Variants in WWC2 observed in about 807,000 individuals in gnomAD.
The protein encoded by WWC2 is WW and C2 domain containing 2.
A neutral mutation model predicts 138.5 loss-of-function variants in WWC2; 101 were observed. The ratio of observed to expected loss-of-function variants is 0.73; its 90% confidence interval spans 0.62 to 0.86. The LOEUF (loss-of-function observed/expected upper bound fraction) is 0.86. Among genes scored for constraint, WWC2 ranks in the 40% least tolerant of loss-of-function variants. WWC2 has a pLI of 0.00. For missense variants in WWC2, 1,420 were observed against 1,419.4 expected (o/e 1.00, Z -0.01); for synonymous variants, 558 against 538.4 (o/e 1.04, Z -0.50).
chr4:183,278,300 T>G (rs1439003590), intron 16 of WWC2, among the ~76,000 whole-genome samples: 1 of 152,172 alleles, frequency 6.6e-6, no homozygotes, highest in African/African-American at 2.4e-5. Context: ...ATATGTGGTG[T>G]TATTTCTGAG....
intron 16 of WWC2, among the ~76,000 whole-genome samples, chr4:183,277,211 A>G (rs1284316059): frequency 6.9e-6 from 1 of 145,488 alleles, no homozygotes; most frequent in Admixed American, 7.4e-5. Context: ...ATTCCCACCT[A>G]TGAGTGAGAA....
intron 21 of WWC2, among the ~76,000 whole-genome samples, chr4:183,295,017 A>G (rs552374068): frequency 6.6e-6 from 1 of 152,268 alleles, no homozygotes; most frequent in Non-Finnish European, 1.5e-5. Context: ...TGAGGCACAC[A>G]TGTTCATTTT....
chr4:183,252,832 G>GC, intron 8 of WWC2, among the ~76,000 whole-genome samples: 1 of 152,274 alleles, frequency 6.6e-6, no homozygotes, highest in East Asian at 1.9e-4. Flanking sequence ...AGAAGGCCAA[G>GC]CCCTGCCCCT....
At chr4:183,254,040 G>C (rs1485870869) in intron 9 of WWC2, 41 bp downstream of exon 9, 1 of 1,598,002 alleles carries the variant, frequency 6.3e-7, no homozygotes, top group African/African-American at 1.4e-5. Flanking sequence ...TAACTCTTGT[G>C]GGGGTGTCTT....
intron 1 of WWC2, among the ~76,000 whole-genome samples, chr4:183,143,832 TACAC>T (rs200329746): frequency 1.2e-4 from 18 of 151,228 alleles, no homozygotes; most frequent in Non-Finnish European, 1.9e-4. Flanking sequence ...AAAAAAAAAA[TACAC>T]ACAAACATTT....
rs185132874 is a variant in WWC2, at chr4:183,103,503, T to A, written c.131+3881T>A. On this transcript the variant is annotated intron_variant, in intron 1 of 22. Coordinates refer to ENST00000403733, the MANE Select transcript of WWC2 (RefSeq NM_024949.6). Reference sequence around the variant, plus strand: ...CACCACGCCCGGCTAATTTTTTGTATTTTTAGTAGAAATGGGGTTTCACCA... The same window carrying A: ...CACCACGCCCGGCTAATTTTTTGTAATTTTAGTAGAAATGGGGTTTCACCA... 2.0e-5 allele frequency among the ~76,000 whole-genome samples: 3 copies of A among 151,196 alleles called. No homozygotes were observed. In the East Asian group the frequency reaches 5.9e-4, roughly 30 times the overall value.
chr4:183,177,764 C>T (rs967043995), intron 1 of WWC2, among the ~76,000 whole-genome samples: 1 of 152,038 alleles, frequency 6.6e-6, no homozygotes, highest in Non-Finnish European at 1.5e-5. Context: ...TGCTTTTTCT[C>T]TGGCCTGAGA....
chr4:183,314,057 A>G (rs2111127172), intron 22 of WWC2, among the ~76,000 whole-genome samples: 1 of 152,168 alleles, frequency 6.6e-6, no homozygotes, highest in Admixed American at 6.5e-5. Flanking sequence ...AGGGACAGCT[A>G]TGGCAGGCTG....
At chr4:183,247,731 CA>C (rs1736843269) in intron 6 of WWC2, among the ~76,000 whole-genome samples, 1 of 125,006 alleles carries the variant, frequency 8.0e-6, no homozygotes, top group South Asian at 2.3e-4. Context: ...CTATATACTA[CA>C]TATATACTAT....
intron 2 of WWC2, among the ~76,000 whole-genome samples, chr4:183,204,959 T>C (rs1023902038): frequency 6.6e-6 from 1 of 152,228 alleles, no homozygotes; most frequent in African/African-American, 2.4e-5. Flanking sequence ...TATTGCTGAG[T>C]AGTATTTTAT....
At chr4:183,127,432 CA>C (rs1225312977) in intron 1 of WWC2, among the ~76,000 whole-genome samples, 3 of 151,968 alleles carry the variant, frequency 2.0e-5, no homozygotes, top group Non-Finnish European at 2.9e-5. Flanking sequence ...TCTTTAAAAA[CA>C]AAAAGTCAAA....
intron 16 of WWC2, among the ~76,000 whole-genome samples, chr4:183,278,402 C>G (rs1259119705): frequency 2.6e-5 from 4 of 152,092 alleles, no homozygotes; most frequent in South Asian, 2.1e-4. Context: ...AGTTTGAAGT[C>G]AGGTAGTGTG....
chr4:183,269,336 C>G (rs1257213065), intron 15 of WWC2, 173 bp downstream of exon 15: 6 of 745,492 alleles, frequency 8.0e-6, no homozygotes, highest in Middle Eastern at 2.3e-4. Flanking sequence ...TCTGTTTATT[C>G]TCTTATTCCA....
In WWC2 at chr4:183,215,246, C is replaced by T. The variant is rs1285508124; in HGVS notation, c.522+6221C>T. ...AATAAAAGTTATGTGGATGTGGTCT[C>T]TCTCTCTCTCTCAAAATATCTTATT... On this transcript the variant is annotated intron_variant, in intron 4 of 22. Transcript: ENST00000403733. Among the ~76,000 whole-genome samples, 5 of 152,188 alleles carry T rather than the reference C, an allele frequency of 3.3e-5. 1 individual carries two copies. Among genetic ancestry groups the T allele is most frequent in the Non-Finnish European group, 7.3e-5 (5 of 68,030 alleles).
intron 4 of WWC2, among the ~76,000 whole-genome samples, chr4:183,220,630 T>C (rs13125012): frequency 0.45 from 67,514 of 151,176 alleles, 15,611 homozygotes; most frequent in African/African-American, 0.55. Context: ...GTCAGGAGAT[T>C]GAGACCATCC....
At chr4:183,250,473 G>C (rs4862152) in intron 8 of WWC2, among the ~76,000 whole-genome samples, 56,054 of 151,912 alleles carry the variant, frequency 0.37, 10,415 homozygotes, top group South Asian at 0.47. Flanking sequence ...AGTCGACTTA[G>C]GTTAGGGAAA....
intron 1 of WWC2, among the ~76,000 whole-genome samples, chr4:183,112,604 C>T (rs56198702): frequency 0.028 from 4,316 of 152,330 alleles, 90 homozygotes; most frequent in South Asian, 0.044. Flanking sequence ...ATGCCTAGCA[C>T]ATACATTTCG....
chr4:183,282,609 A>T, intron 17 of WWC2, 99 bp from the exon 18 acceptor site: 1 of 1,204,336 alleles, frequency 8.3e-7, no homozygotes, highest in Non-Finnish European at 1.2e-6. Flanking sequence ...TCATTGTGTG[A>T]GTCTGTTTAT....
chr4:183,130,499 C>G (rs1190278489), intron 1 of WWC2, among the ~76,000 whole-genome samples: 1 of 152,210 alleles, frequency 6.6e-6, no homozygotes, highest in Admixed American at 6.5e-5. Context: ...GTGCTGTGGT[C>G]TTTCCTTGGC....
Sources: gnomAD v4.1 joint callset for allele counts (sites outside exome capture counted in the v4.1 genomes callset) on GRCh38, gnomAD v4.1.1 for gene constraint, MANE v1.5 for transcripts, NCBI Gene and HGNC (gene_info 2026-07-23, HGNC 2026-07-21) for gene names.